CSMD1: variants seen among roughly 807,000 people sequenced by gnomAD.
CSMD1 encodes the protein CUB and Sushi multiple domains 1.
CSMD1 carries 213 observed loss-of-function variants against 417.5 expected under a neutral mutation model. That is an observed-to-expected ratio of 0.51 (90% CI 0.46 to 0.57). The LOEUF (loss-of-function observed/expected upper bound fraction) is 0.57. Ranked by LOEUF, CSMD1 falls within the 20% of genes least tolerant of loss-of-function variation. The probability of loss-of-function intolerance (pLI) is 0.00; values close to 1 mark genes in which losing one functional copy is unlikely to be tolerated. For synonymous variants in CSMD1, 2,862 were observed against 1,736.8 expected (o/e 1.65, Z -16.11); for missense variants, 6,923 against 4,529.7 (o/e 1.53, Z -15.17).
chr8:4,696,475 G>A (rs1213231618), intron 1 of CSMD1, among the ~76,000 whole-genome samples: 7 of 152,158 alleles, frequency 4.6e-5, no homozygotes, highest in Non-Finnish European at 8.8e-5. Flanking sequence ...AGGGAACAGA[G>A]GGACGGGAAC....
intron 4 of CSMD1, among the ~76,000 whole-genome samples, chr8:4,001,713 T>C (rs185625512): frequency 6.6e-6 from 1 of 152,258 alleles, no homozygotes; most frequent in Admixed American, 6.5e-5. Flanking sequence ...TGGAGACCCA[T>C]AGTTCACTGG....
At chr8:4,935,971 C>T (rs938112079) in intron 1 of CSMD1, among the ~76,000 whole-genome samples, 1 of 152,180 alleles carries the variant, frequency 6.6e-6, no homozygotes, top group Non-Finnish European at 1.5e-5. Context: ...TTTTCAGCAG[C>T]TTCATGGAAG....
intron 3 of CSMD1, among the ~76,000 whole-genome samples, chr8:4,054,399 A>C (rs984794910): frequency 4.9e-4 from 74 of 152,158 alleles, no homozygotes; most frequent in African/African-American, 1.7e-3. Context: ...CGAGCCATCT[A>C]CCCTAGCTAG....
rs868075153 is a variant in CSMD1 at position 3,307,720 on chromosome 8, C to G, written c.3925G>C (p.Glu1309Gln). The change falls in exon 25 of 70, where the codon GAG (glutamate) becomes CAG (glutamine). Residue 1309 changes from glutamate to glutamine, a missense_variant. Transcript: ENST00000635120. ...CTAATGGTCTTTCCTGGGTCTGCCT[C>G]TATAATCCAGGTGCAGTGGAGGTTG... ...DNNLHCTWII[E>Q]ADPGKTISLH... is the part of the protein sequence containing the mutation. The G allele has an allele frequency of 6.2e-7, 1 of 1,613,696 alleles. No individual in the cohort carries two copies. Among genetic ancestry groups the G allele is most frequent in the Non-Finnish European group, 8.5e-7 (1 of 1,179,674 alleles).
intron 3 of CSMD1, among the ~76,000 whole-genome samples, chr8:4,086,567 A>T (rs1800432207): frequency 6.6e-6 from 1 of 152,224 alleles, no homozygotes. Flanking sequence ...ACAGAGTTAC[A>T]TCCAATCTCC....
At chr8:4,385,291 G>A (rs867950225) in intron 3 of CSMD1, among the ~76,000 whole-genome samples, 30 of 152,114 alleles carry the variant, frequency 2.0e-4, no homozygotes, top group Admixed American at 1.6e-3. Context: ...AATACTATCT[G>A]TTCATGTTAA....
chr8:3,437,157 T>C (rs1028437474), intron 12 of CSMD1, among the ~76,000 whole-genome samples: 6 of 152,134 alleles, frequency 3.9e-5, no homozygotes, highest in Admixed American at 1.3e-4. Flanking sequence ...TCAAATGCAA[T>C]TGTGTGAATT....
At chr8:4,253,277 C>A (rs1358615226) in intron 3 of CSMD1, among the ~76,000 whole-genome samples, 3 of 152,138 alleles carry the variant, frequency 2.0e-5, no homozygotes, top group African/African-American at 7.2e-5. Flanking sequence ...GACCCTGAGG[C>A]TAAATTAGAC....
At chr8:4,815,467 G>A (rs1203061537) in intron 1 of CSMD1, among the ~76,000 whole-genome samples, 1 of 151,832 alleles carries the variant, frequency 6.6e-6, no homozygotes, top group African/African-American at 2.4e-5. Context: ...AGGCTGAGGT[G>A]GGAGCATCAC....
intron 3 of CSMD1, among the ~76,000 whole-genome samples, chr8:4,114,601 G>A (rs551748578): frequency 3.5e-4 from 54 of 152,198 alleles, no homozygotes; most frequent in African/African-American, 8.2e-4. Context: ...GGGATTCTTC[G>A]ATGGACTTGG....
chr8:3,277,750 A>ATC (rs1802414215), intron 26 of CSMD1, among the ~76,000 whole-genome samples: 1 of 152,144 alleles, frequency 6.6e-6, no homozygotes, highest in Non-Finnish European at 1.5e-5. Context: ...TCAGGGGAGA[A>ATC]GCCTGGGAGG....
At chr8:3,371,341 G>A (rs999354900) in intron 18 of CSMD1, among the ~76,000 whole-genome samples, 1 of 152,166 alleles carries the variant, frequency 6.6e-6, no homozygotes, top group African/African-American at 2.4e-5. Flanking sequence ...ATGTAAAATG[G>A]GGCAAAAATC....
intron 64 of CSMD1, 137 bp from the exon 65 acceptor site, chr8:2,954,405 C>A: frequency 1.9e-6 from 1 of 531,928 alleles, no homozygotes; most frequent in Non-Finnish European, 3.3e-6. Flanking sequence ...TATACATATA[C>A]ATTTTAAACT....
rs141664647 is a variant in CSMD1 at position 3,018,402 on chromosome 8, T to C, written c.8029+75A>G. On this transcript the variant is annotated intron_variant, in intron 52 of 69. Coordinates refer to ENST00000635120, the MANE Select transcript of CSMD1 (RefSeq NM_033225.6). ...TTTAAGGCATTATAGCAAGAAGTCA[T>C]ATGTGTTACACAGCTGTAATCTATT... The C allele has an allele frequency of 4.3e-4, 595 of 1,368,784 alleles. 4 individuals carry two copies. In the African/African-American group the frequency reaches 6.5e-3, roughly 15 times the overall value. The allele number at this position is 1,368,784 out of a possible 1,614,324, so 84.8% of individuals were successfully genotyped here. A position where few individuals can be genotyped will look rare whatever the true frequency, so the allele number is the denominator to read the frequency against.
chr8:4,778,661 G>C (rs1009565295), intron 1 of CSMD1, among the ~76,000 whole-genome samples: 1 of 152,140 alleles, frequency 6.6e-6, no homozygotes, highest in Non-Finnish European at 1.5e-5. Flanking sequence ...GTCTAGATCT[G>C]AGTCAAATAC....
Position 3,537,207 on chromosome 8 carries a change from G to A in CSMD1, c.1344+37738C>T, listed in dbSNP as rs546735401. ...TTAAGAGACAGGTTTCACCATGTTGGCCAAGATAGTCAGTCTCGATCTCCT... is the reference window on the plus strand; with the variant it reads ...TTAAGAGACAGGTTTCACCATGTTGACCAAGATAGTCAGTCTCGATCTCCT... On this transcript the variant is annotated intron_variant, in intron 10 of 69. Transcript: ENST00000635120. 6.6e-5 allele frequency among the ~76,000 whole-genome samples: 10 copies of A among 152,150 alleles called. No individual in the cohort carries two copies. The South Asian group carries it at 1.9e-3, about 28-fold the overall frequency.
chr8:4,049,295 T>C (rs928988107), intron 3 of CSMD1, among the ~76,000 whole-genome samples: 2 of 152,030 alleles, frequency 1.3e-5, no homozygotes, highest in Non-Finnish European at 2.9e-5. Context: ...TGTCTGGCTG[T>C]AGGACATTTT....
intron 2 of CSMD1, among the ~76,000 whole-genome samples, chr8:4,481,178 A>C (rs955095763): frequency 6.6e-6 from 1 of 152,224 alleles, no homozygotes; most frequent in South Asian, 2.1e-4. Flanking sequence ...TCAGTTCCAG[A>C]TTATAGTCAA....
At chr8:4,200,705 T>C (rs1799595439) in intron 3 of CSMD1, among the ~76,000 whole-genome samples, 1 of 151,974 alleles carries the variant, frequency 6.6e-6, no homozygotes. Context: ...AACATAACAA[T>C]TAAAAAACTA....
Sources: allele counts gnomAD v4.1 joint callset (sites outside exome capture counted in the v4.1 genomes callset), GRCh38; gene constraint gnomAD v4.1.1; transcripts MANE v1.5; gene names NCBI Gene and HGNC (gene_info 2026-07-23, HGNC 2026-07-21).